CDH13: variants seen among roughly 807,000 people sequenced by gnomAD.
The protein encoded by CDH13 is cadherin-13.
In CDH13, 24 loss-of-function variants were observed where a neutral mutation model predicts 63.8. That is an observed-to-expected ratio of 0.38 (90% CI 0.27 to 0.53). CDH13 has a LOEUF of 0.53. Ranked by LOEUF, CDH13 falls within the 20% of genes least tolerant of loss-of-function variation. The pLI, the probability that CDH13 is intolerant of heterozygous loss-of-function variation, is 0.85. For missense variants in CDH13, 1,049 were observed against 903.1 expected (o/e 1.16, Z -2.07); for synonymous variants, 503 against 355.3 (o/e 1.42, Z -4.67).
At chr16:83,366,567 G>A (rs560263624) in intron 6 of CDH13, among the ~76,000 whole-genome samples, 5 of 152,292 alleles carry the variant, frequency 3.3e-5, no homozygotes, top group African/African-American at 4.8e-5. Context: ...TCATCCCTGC[G>A]ATTGGGATAA....
At chr16:83,225,560 C>A (rs1194333728) in intron 5 of CDH13, among the ~76,000 whole-genome samples, 1 of 152,156 alleles carries the variant, frequency 6.6e-6, no homozygotes, top group Non-Finnish European at 1.5e-5. Context: ...TGATGTAATT[C>A]CTGATAGGGG....
At chr16:83,030,034 C>T (rs1283325876) in intron 2 of CDH13, among the ~76,000 whole-genome samples, 1 of 152,126 alleles carries the variant, frequency 6.6e-6, no homozygotes, top group African/African-American at 2.4e-5. Context: ...TTGTGTACCA[C>T]ATGCAGAATC....
intron 1 of CDH13, among the ~76,000 whole-genome samples, chr16:82,676,672 G>GT (rs943894287): frequency 9.9e-5 from 15 of 151,288 alleles, no homozygotes; most frequent in Middle Eastern, 3.4e-3. Flanking sequence ...CCTGCCGTTG[G>GT]TTTTTTTTAT....
intron 11 of CDH13, among the ~76,000 whole-genome samples, chr16:83,756,745 A>G (rs1247854186): frequency 6.6e-6 from 1 of 152,234 alleles, no homozygotes; most frequent in Admixed American, 6.5e-5. Flanking sequence ...GAAGGACATC[A>G]CAGTCCTAAA....
intron 11 of CDH13, among the ~76,000 whole-genome samples, chr16:83,777,862 G>A (rs1915229536): frequency 6.6e-6 from 1 of 152,166 alleles, no homozygotes; most frequent in South Asian, 2.1e-4. Flanking sequence ...CTGGCTAAGT[G>A]AAAATAAGGA....
intron 1 of CDH13, among the ~76,000 whole-genome samples, chr16:82,733,983 GAGAAAACAGAGT>G (rs1408196414): frequency 6.6e-6 from 1 of 152,172 alleles, no homozygotes; most frequent in African/African-American, 2.4e-5. Context: ...CAGAACTGTA[GAGAAAACAGAGT>G]ATACCAGATA....
At chr16:83,170,950 T>C (rs2037888609) in intron 4 of CDH13, among the ~76,000 whole-genome samples, 1 of 152,102 alleles carries the variant, frequency 6.6e-6, no homozygotes, top group Non-Finnish European at 1.5e-5. Context: ...CGCTATCCTC[T>C]TCTCCTCTAC....
chr16:83,012,140 A>C (rs1914226507), intron 2 of CDH13, among the ~76,000 whole-genome samples: 1 of 152,216 alleles, frequency 6.6e-6, no homozygotes, highest in Admixed American at 6.5e-5. Context: ...ACTATCCAAG[A>C]ATAACTTATA....
intron 6 of CDH13, among the ~76,000 whole-genome samples, chr16:83,437,065 T>C (rs977654938): frequency 1.1e-4 from 16 of 152,114 alleles, no homozygotes; most frequent in Non-Finnish European, 1.9e-4. Flanking sequence ...GCATGCTTGG[T>C]ACTGTTTTGT....
chr16:83,139,182 G>A (rs72800212), intron 4 of CDH13, among the ~76,000 whole-genome samples: 24,642 of 152,148 alleles, frequency 0.16, 2,147 homozygotes, highest in South Asian at 0.23. Context: ...GGGCGAACAG[G>A]TTATGTGGAG....
At chr16:83,586,317 C>T (rs897750285) in intron 7 of CDH13, among the ~76,000 whole-genome samples, 7 of 152,208 alleles carry the variant, frequency 4.6e-5, no homozygotes, top group African/African-American at 1.4e-4. Flanking sequence ...AGAGAGAGGG[C>T]GGTTGAGTTC....
intron 2 of CDH13, among the ~76,000 whole-genome samples, chr16:82,888,590 G>C (rs747335773): frequency 6.6e-6 from 1 of 152,198 alleles, no homozygotes; most frequent in Non-Finnish European, 1.5e-5. Flanking sequence ...AGCCATTAAA[G>C]CAGGGTTCAG....
intron 10 of CDH13, among the ~76,000 whole-genome samples, chr16:83,706,494 A>T (rs1431845902): frequency 6.6e-6 from 1 of 152,220 alleles, no homozygotes; most frequent in Admixed American, 6.5e-5. Context: ...ATTGGGAATC[A>T]GAGGTACCTG....
intron 7 of CDH13, among the ~76,000 whole-genome samples, chr16:83,492,495 A>T: frequency 6.6e-6 from 1 of 152,112 alleles, no homozygotes; most frequent in South Asian, 2.1e-4. Context: ...AATTTTCCCC[A>T]TTTTTTTTAT....
intron 6 of CDH13, among the ~76,000 whole-genome samples, chr16:83,480,770 A>G (rs1247225525): frequency 6.6e-6 from 1 of 152,130 alleles, no homozygotes; most frequent in Non-Finnish European, 1.5e-5. Context: ...GAGGCCCCAA[A>G]CCCATTCAAA....
At chr16:82,786,178 C>A (rs1053605111) in intron 1 of CDH13, among the ~76,000 whole-genome samples, 1 of 151,968 alleles carries the variant, frequency 6.6e-6, no homozygotes, top group Non-Finnish European at 1.5e-5. Context: ...GGTTGCTTTA[C>A]GAGGAAGTTA....
At chr16:83,413,253 C>T (rs1255285048) in intron 6 of CDH13, among the ~76,000 whole-genome samples, 1 of 152,050 alleles carries the variant, frequency 6.6e-6, no homozygotes, top group Non-Finnish European at 1.5e-5. Context: ...CATTCTCTTC[C>T]ATCTACAGGT....
intron 6 of CDH13, among the ~76,000 whole-genome samples, chr16:83,370,355 T>C (rs1567623184): frequency 6.9e-6 from 1 of 145,874 alleles, no homozygotes; most frequent in Non-Finnish European, 1.5e-5. Context: ...GCCACTGCAC[T>C]CCAGCCTGGG....
At chr16:83,007,820 C>G (rs1190407999) in intron 2 of CDH13, among the ~76,000 whole-genome samples, 2 of 141,590 alleles carry the variant, frequency 1.4e-5, no homozygotes, top group Non-Finnish European at 3.0e-5. Context: ...CAAGACGACT[C>G]TGTCAAAAAA....
Sources: gnomAD v4.1 joint callset for allele counts (sites outside exome capture counted in the v4.1 genomes callset) on GRCh38, gnomAD v4.1.1 for gene constraint, MANE v1.5 for transcripts, NCBI Gene and HGNC (gene_info 2026-07-23, HGNC 2026-07-21) for gene names.